The following TMEM204 variants were observed in gnomAD, a reference collection of about 807,000 sequenced individuals.
TMEM204 encodes claudin-like protein 24.
A neutral mutation model predicts 19.4 loss-of-function variants in TMEM204; 15 were observed. The observed-to-expected ratio is 0.77, with a 90% CI of 0.52 to 1.19. The LOEUF (loss-of-function observed/expected upper bound fraction) is 1.19. TMEM204 is among the 50% of genes most tolerant of loss of function. TMEM204 has a pLI of 0.00. For synonymous variants in TMEM204, 161 were observed against 146.0 expected, an observed-to-expected ratio of 1.10 and a Z score of -0.74; for missense variants, 287 against 321.2, an observed-to-expected ratio of 0.89 and a Z score of 0.81.
At chr16:1,534,931 G>A (rs544946753) in intron 1 of TMEM204, among the ~76,000 whole-genome samples, 5 of 152,180 alleles carry the variant, frequency 3.3e-5, no homozygotes, top group South Asian at 2.1e-4. Flanking sequence ...ACGGCTGGGC[G>A]CAGTGGTTCA....
chr16:1,543,094 C>A (rs561589198), intron 2 of TMEM204, among the ~76,000 whole-genome samples: 1 of 152,250 alleles, frequency 6.6e-6, no homozygotes, highest in South Asian at 2.1e-4. Context: ...CTGCTGCTCA[C>A]TGGGACAGGT....
chr16:1,537,391 C>T (rs533353163), intron 1 of TMEM204, among the ~76,000 whole-genome samples: 20 of 152,352 alleles, frequency 1.3e-4, no homozygotes, highest in African/African-American at 4.3e-4. Flanking sequence ...GCTCGTCACT[C>T]GCAAACATCA....
chr16:1,544,946 C>A (rs898699425), intron 2 of TMEM204, among the ~76,000 whole-genome samples: 9 of 152,232 alleles, frequency 5.9e-5, no homozygotes, highest in Non-Finnish European at 1.2e-4. Context: ...CGGCACCCGG[C>A]CCAGATCACT....
At chr16:1,544,466 T>C (rs2031969248) in intron 2 of TMEM204, among the ~76,000 whole-genome samples, 1 of 151,014 alleles carries the variant, frequency 6.6e-6, no homozygotes, top group South Asian at 2.1e-4. Context: ...ATTATAGGCG[T>C]GAGCCACCGC....
chr16:1,533,712 G>C lies in TMEM204; in HGVS notation c.-564G>C, dbSNP rs546874695. 1 of 153,516 alleles carries C rather than the reference G, an allele frequency of 6.5e-6. No homozygotes were observed. The highest frequency in any genetic ancestry group is 2.0e-4 in the South Asian group (1 of 4,900). The allele number at this position is 153,516 out of a possible 1,614,324, so 9.5% of individuals were successfully genotyped here. A position where few individuals can be genotyped will look rare whatever the true frequency, so the allele number is the denominator to read the frequency against. On this transcript the variant is annotated 5_prime_UTR_variant, in exon 1 of 3. Coordinates refer to ENST00000566264, the MANE Select transcript of TMEM204 (RefSeq NM_024600.6). This position sits in a 1 kb window ranked among gnomAD's most constrained non-coding sequence, Gnocchi z 4.7. ...CAGGGAAGGCGAGCTCTGCGCACAC[G>C]GGCGTCCCTGCAGCAGCCACTCTGC... is the stretch of plus-strand genomic sequence containing the variant.
intron 1 of TMEM204, among the ~76,000 whole-genome samples, chr16:1,534,957 C>A (rs1045614931): frequency 2.6e-5 from 4 of 152,042 alleles, no homozygotes; most frequent in Admixed American, 2.0e-4. Flanking sequence ...GTAATCCTAG[C>A]GCTTTGGGAG....
chr16:1,539,337 T>C (rs2031403169), intron 1 of TMEM204, among the ~76,000 whole-genome samples: 1 of 145,740 alleles, frequency 6.9e-6, no homozygotes, highest in South Asian at 2.2e-4. Flanking sequence ...AGCCACATGG[T>C]GCAAATGCCG....
chr16:1,541,999 G>A lies in TMEM204; in HGVS notation c.359G>A (p.Gly120Glu). 1.9e-6 allele frequency: 3 copies of A among 1,611,328 alleles called. No individual in the cohort carries two copies. The highest frequency in any genetic ancestry group is 2.5e-6 in the Non-Finnish European group (3 of 1,179,648). ...LTAGQLTFLL[G>E]LVGLPLLSPD... is the part of the protein sequence containing the mutation. ...GCAGGCCAGCTCACCTTCCTCCTGG[G>A]GCTGGTGGGCCTGCCCCTGCTGTCA... Residue 120 changes from glycine to glutamate, a missense_variant, in exon 2 of 3, where the codon GGG (glycine) becomes GAG (glutamate). By Grantham distance (98) the Gly-to-Glu change is moderately conservative. Coordinates refer to ENST00000566264, the MANE Select transcript of TMEM204 (RefSeq NM_024600.6).
intron 1 of TMEM204, among the ~76,000 whole-genome samples, chr16:1,537,609 C>T (rs570993065): frequency 6.6e-6 from 1 of 152,174 alleles, no homozygotes; most frequent in Non-Finnish European, 1.5e-5. Context: ...GTGAGGAGCT[C>T]GGGGGACCAG....
At chr16:1,531,333 C>G (rs989086620), upstream of TMEM204, 4 of 152,230 alleles carry the variant, frequency 2.6e-5, no homozygotes, top group Admixed American at 2.6e-4. This position sits in a 1 kb window ranked among gnomAD's most constrained non-coding sequence, Gnocchi z 4.7. Flanking sequence ...TGCAGAAGCT[C>G]TGCCGAGACC....
At chr16:1,545,742 G>A (rs1163170392) in intron 2 of TMEM204, among the ~76,000 whole-genome samples, 1 of 152,264 alleles carries the variant, frequency 6.6e-6, no homozygotes, top group Non-Finnish European at 1.5e-5. Flanking sequence ...GAAAGCCAGA[G>A]TGCAGCACAC....
intron 1 of TMEM204, among the ~76,000 whole-genome samples, 180 bp from the exon 2 acceptor site, chr16:1,541,741 G>C (rs2031659395): frequency 1.3e-5 from 2 of 152,210 alleles, no homozygotes; most frequent in African/African-American, 4.8e-5. Context: ...TGGGACCCAG[G>C]GCTTGCAGGC....
Position 1,534,252 on chromosome 16 carries a change from T to A in TMEM204, c.-24T>A, listed in dbSNP as rs768379591. 2.5e-6 allele frequency: 4 copies of A among 1,607,440 alleles called. No homozygotes were observed. In the East Asian group the frequency reaches 6.7e-5, roughly 27 times the overall value. On this transcript the variant is annotated 5_prime_UTR_variant, in exon 1 of 3. Coordinates refer to ENST00000566264, the MANE Select transcript of TMEM204 (RefSeq NM_024600.6). Reference sequence around the variant, plus strand: ...GGACTGGGACTTGGCTTTCTCCGGATAAGCGGCGGCACCGGCGTCAGCGAT... The same window carrying A: ...GGACTGGGACTTGGCTTTCTCCGGAAAAGCGGCGGCACCGGCGTCAGCGAT...
In TMEM204 at chr16:1,541,582, C is replaced by G. The variant is rs921525811; in HGVS notation, c.281-339C>G. 2.1e-5 allele frequency: 17 copies of G among 821,590 alleles called. No homozygotes were observed. The African/African-American group carries it at 2.6e-4, about 13-fold the overall frequency. The allele number at this position is 821,590 out of a possible 1,614,324, so 50.9% of individuals were successfully genotyped here. On this transcript the variant is annotated intron_variant, in intron 1 of 2. Transcript: ENST00000566264. ...GGCTTCCCCTTCCCACCTCCACCCC[C>G]ACGCCAGCGCCTTCAAGGGTCAAGT... is the stretch of plus-strand genomic sequence containing the variant.
At chr16:1,548,721 C>T (rs935236760) in intron 2 of TMEM204, among the ~76,000 whole-genome samples, 3 of 152,208 alleles carry the variant, frequency 2.0e-5, no homozygotes, top group Non-Finnish European at 2.9e-5. Context: ...ATCTCCCCCA[C>T]GTAGGGAAGG....
intron 2 of TMEM204, among the ~76,000 whole-genome samples, chr16:1,547,413 A>C (rs943577478): frequency 2.0e-5 from 3 of 152,190 alleles, no homozygotes; most frequent in African/African-American, 7.2e-5. Context: ...AGCAGGGTTG[A>C]TACTCACTGA....
intron 1 of TMEM204, 103 bp downstream of exon 1, chr16:1,534,658 C>CCCG: frequency 6.6e-7 from 1 of 1,519,284 alleles, no homozygotes. Flanking sequence ...AGGCCTGGCC[C>CCCG]CTGCTCTGCC....
At chr16:1,530,279 T>C (rs1234195747), upstream of TMEM204, among the ~76,000 whole-genome samples, 1 of 151,642 alleles carries the variant, frequency 6.6e-6, no homozygotes, top group African/African-American at 2.4e-5. Flanking sequence ...ACTACAGGCA[T>C]GCGCCACCAC....
chr16:1,543,867 G>C (rs571133072), intron 2 of TMEM204, among the ~76,000 whole-genome samples: 1 of 152,314 alleles, frequency 6.6e-6, no homozygotes, highest in African/African-American at 2.4e-5. Context: ...AAATGCCGTG[G>C]CTTAAAGAAG....
Sources: allele counts gnomAD v4.1 joint callset (sites outside exome capture counted in the v4.1 genomes callset), GRCh38; gene constraint gnomAD v4.1.1; non-coding constraint Gnocchi (gnomAD v3.1); transcripts MANE v1.5; gene names NCBI Gene and HGNC (gene_info 2026-07-23, HGNC 2026-07-21).